Variants in ELP2 observed in about 807,000 individuals in gnomAD.
The protein encoded by ELP2 is elongator complex protein 2.
In ELP2, 90 loss-of-function variants were observed where a neutral mutation model predicts 119.2. That is an observed-to-expected ratio of 0.75 (90% CI 0.64 to 0.90). The LOEUF is 0.90. ELP2 is among the 40% of genes least tolerant of loss of function. The pLI is 0.00. For synonymous variants in ELP2, 339 were observed against 331.0 expected (o/e 1.02, Z -0.26); for missense variants, 921 against 967.8 (o/e 0.95, Z 0.64).
chr18:36,142,372 A>C (rs2090061986), intron 7 of ELP2, 25 bp downstream of exon 7: 1 of 1,587,946 alleles, frequency 6.3e-7, no homozygotes. Context: ...TTGCTAATGC[A>C]CATACAATGG....
chr18:36,157,700 C>T (rs773575886), intron 13 of ELP2, among the ~76,000 whole-genome samples: 1 of 152,146 alleles, frequency 6.6e-6, no homozygotes, highest in African/African-American at 2.4e-5. Flanking sequence ...AACTAAATTT[C>T]CTGGAATGTA....
In ELP2 at chr18:36,145,018, A is replaced by C. The variant is rs762978035; in HGVS notation, c.876A>C (p.Gln292His). Reference sequence around the variant, plus strand: ...ACTGGGTAAATGCAGTTCACTGGCAACCTGTGTTTTACAAAGGTAGGAAGA... The same window carrying C: ...ACTGGGTAAATGCAGTTCACTGGCACCCTGTGTTTTACAAAGGTAGGAAGA... ...HENWVNAVHW[Q>H]PVFYKDGVLQ... The change falls in exon 9 of 22, where the codon CAA (glutamine) becomes CAC (histidine). Residue 292 changes from glutamine (Q) to histidine (H), a missense_variant. Gln to His is a conservative substitution (Grantham distance 24). Transcript: ENST00000358232. 28 of 1,613,720 alleles carry C rather than the reference A, an allele frequency of 1.7e-5. No homozygotes were observed. The highest frequency in any genetic ancestry group is 2.0e-5 in the Non-Finnish European group (24 of 1,179,712).
chr18:36,130,143 T>C (rs1452209403), intron 1 of ELP2, 72 bp downstream of exon 1: 5 of 1,598,994 alleles, frequency 3.1e-6, no homozygotes, highest in Non-Finnish European at 3.4e-6. Flanking sequence ...CCGGGCGCGC[T>C]GTTAGTTGCC....
chr18:36,156,727 G>A (rs2090587520), intron 13 of ELP2, 73 bp downstream of exon 13: 3 of 1,370,934 alleles, frequency 2.2e-6, no homozygotes, highest in Admixed American at 1.8e-5. Flanking sequence ...TTTGCCTTAG[G>A]CTTTAAATGG....
chr18:36,159,961 C>T lies in ELP2; in HGVS notation c.1634C>T (p.Pro545Leu), dbSNP rs1598808887. The change falls in exon 16 of 22, where the codon CCT (proline) becomes CTT (leucine). Residue 545 changes from proline (P) to leucine (L), a missense_variant. Coordinates refer to ENST00000358232, the MANE Select transcript of ELP2 (RefSeq NM_018255.4). ...AAATAGCTTCAATTTATTCTAGAGC[C>T]TCCCACTGAGGATCATCTTCTGCAG... is the stretch of plus-strand genomic sequence containing the variant. The part of the protein sequence containing the change: ...VAFQPSILTE[P>L]PTEDHLLQNT... 2.5e-6 allele frequency: 4 copies of T among 1,614,052 alleles called. No homozygotes were observed. In the East Asian group the frequency reaches 8.9e-5, roughly 36 times the overall value.
At chr18:36,138,541 A>C in intron 4 of ELP2, 115 bp downstream of exon 4, 1 of 1,191,582 alleles carries the variant, frequency 8.4e-7, no homozygotes, top group South Asian at 1.4e-5. Context: ...TAAAAATACT[A>C]TAATTCTAAT....
At chr18:36,152,623 C>T (rs1234740155) in intron 11 of ELP2, among the ~76,000 whole-genome samples, 1 of 152,206 alleles carries the variant, frequency 6.6e-6, no homozygotes, top group Non-Finnish European at 1.5e-5. Flanking sequence ...AGGCAGTCCC[C>T]ATTTTTGGGG....
intron 5 of ELP2, among the ~76,000 whole-genome samples, chr18:36,139,110 C>T (rs909757163): frequency 5.9e-5 from 9 of 151,948 alleles, no homozygotes; most frequent in African/African-American, 1.9e-4. Flanking sequence ...TACTGTGTAC[C>T]CAAGATTGAT....
intron 12 of ELP2, 74 bp from the exon 13 acceptor site, chr18:36,156,392 A>C (rs2090572765): frequency 7.2e-7 from 1 of 1,396,622 alleles, no homozygotes; most frequent in East Asian, 2.3e-5. Context: ...ATAGTAAATA[A>C]TTTTCATCTA....
chr18:36,136,450 C>CT, intron 3 of ELP2, 73 bp downstream of exon 3: 1 of 1,245,598 alleles, frequency 8.0e-7, no homozygotes, highest in East Asian at 2.3e-5. Context: ...GAGTTTCACT[C>CT]TGTCACCCAG....
intron 12 of ELP2, 27 bp from the exon 13 acceptor site, chr18:36,156,439 C>G (rs1199558097): frequency 6.2e-7 from 1 of 1,610,350 alleles, no homozygotes; most frequent in Non-Finnish European, 8.5e-7. Flanking sequence ...TTTGAATGAT[C>G]ATTTTTGTTT....
intron 5 of ELP2, chr18:36,139,477 C>T (rs979278374): frequency 5.9e-6 from 9 of 1,535,600 alleles, no homozygotes; most frequent in African/African-American, 5.5e-5. Flanking sequence ...CAGCCTCTCT[C>T]GCCCTCTGTA....
chr18:36,166,335 T>G (rs1321220717), intron 18 of ELP2, among the ~76,000 whole-genome samples: 1 of 124,058 alleles, frequency 8.1e-6, no homozygotes, highest in Non-Finnish European at 1.7e-5. Context: ...TTTTTTTTTT[T>G]TTTTTTTTTT....
chr18:36,133,432 A>G lies in ELP2; in HGVS notation c.217+116A>G, dbSNP rs2089707136. 4 of 756,606 alleles carry G rather than the reference A, an allele frequency of 5.3e-6. No homozygotes were observed. The Admixed American group carries it at 6.0e-5, about 11-fold the overall frequency. The allele number at this position is 756,606 out of a possible 1,614,324, so 46.9% of individuals were successfully genotyped here. ...GCATTACCTTATATGATGTTATGCAATTGGAGAAACAAGAAAAATGGTATT... is the reference window on the plus strand; with the variant it reads ...GCATTACCTTATATGATGTTATGCAGTTGGAGAAACAAGAAAAATGGTATT... On this transcript the variant is annotated intron_variant, in intron 2 of 21. Transcript: ENST00000358232.
intron 21 of ELP2, 127 bp downstream of exon 21, chr18:36,171,287 T>C (rs1598842841): frequency 2.8e-6 from 2 of 711,416 alleles, no homozygotes; most frequent in East Asian, 5.4e-5. Flanking sequence ...ACCACTTTGT[T>C]TTGTGGTAAT....
At position 36,159,593 on chromosome 18, in the gene ELP2, T is replaced by G. The variant is rs934780289; in HGVS notation, c.1535-142T>G. The G allele has an allele frequency of 4.2e-6, 3 of 708,320 alleles. No homozygotes were observed. The African/African-American group carries it at 5.2e-5, about 12-fold the overall frequency. The allele number at this position is 708,320 out of a possible 1,614,324, so 43.9% of individuals were successfully genotyped here. On this transcript the variant is annotated intron_variant, in intron 14 of 21. Coordinates refer to ENST00000358232, the MANE Select transcript of ELP2 (RefSeq NM_018255.4). The stretch of plus-strand genomic sequence containing the variant: ...AATACTGGAGTAATGGAAATACTCT[T>G]GCCTTTGGAATCACATGGACACAGC...
chr18:36,131,073 T>C (rs931062264), intron 1 of ELP2, among the ~76,000 whole-genome samples: 1 of 150,676 alleles, frequency 6.6e-6, no homozygotes, highest in Non-Finnish European at 1.5e-5. Context: ...ACTCGGGAGG[T>C]AGAGGTGGGA....
rs2089698480 is a variant in ELP2, at chr18:36,133,253, A to G, written c.154A>G (p.Thr52Ala). ...TTCTCTAAAGAAAAGGGTTGTTGTT[A>G]CCAACTTGAATGGTCACACCGCCCG... Reference protein sequence around the residue: ...LYDPLKRVVVTNLNGHTARVN... With the variant: ...LYDPLKRVVVANLNGHTARVN... Residue 52 changes from threonine to alanine, a missense_variant, in exon 2 of 22, where the codon ACC becomes GCC. Transcript: ENST00000358232. 2.5e-6 allele frequency: 4 copies of G among 1,613,514 alleles called. No individual in the cohort carries two copies. The highest frequency in any genetic ancestry group is 3.4e-6 in the Non-Finnish European group (4 of 1,179,440).
At position 36,141,120 on chromosome 18, in the gene ELP2, G is replaced by A. The variant is rs3737472; in HGVS notation, c.524-17G>A. 214 of 1,611,198 alleles carry A rather than the reference G, an allele frequency of 1.3e-4. 2 individuals carry two copies. In the East Asian group the frequency reaches 4.5e-3, roughly 34 times the overall value. The stretch of plus-strand genomic sequence containing the variant: ...GAATAGAGAACTCACAGTGAAGCCT[G>A]TTTTTTCTTCCCCCAGTACCAATAT... On this transcript the variant is annotated splice_polypyrimidine_tract_variant and intron_variant, in intron 5 of 21. Coordinates refer to ENST00000358232, the MANE Select transcript of ELP2 (RefSeq NM_018255.4).
Sources: allele counts gnomAD v4.1 joint callset (sites outside exome capture counted in the v4.1 genomes callset), GRCh38; gene constraint gnomAD v4.1.1; transcripts MANE v1.5; gene names NCBI Gene and HGNC (gene_info 2026-07-23, HGNC 2026-07-21).